FAM91A1: variants seen among roughly 807,000 people sequenced by gnomAD.
The protein encoded by FAM91A1 is protein FAM91A1.
FAM91A1 carries 41 observed loss-of-function variants against 113.5 expected under a neutral mutation model. The ratio of observed to expected loss-of-function variants is 0.36; its 90% CI spans 0.28 to 0.47. The LOEUF is 0.47. Among genes scored for constraint, FAM91A1 ranks in the 20% least tolerant of loss-of-function variants. The pLI is 1.00. For synonymous variants in FAM91A1, 307 were observed against 347.9 expected (o/e 0.88, Z 1.31); for missense variants, 696 against 1,001.2 (o/e 0.70, Z 4.11).
rs1200894815 is a variant in FAM91A1 at position 123,774,106 on chromosome 8, T to C, written c.99T>C (p.Tyr33=). ...GTCTTGGAAATTCACAGAGAGAATATGAAAAGCAGGTTGTCCTGTACAGTA... is the reference window on the plus strand; with the variant it reads ...GTCTTGGAAATTCACAGAGAGAATACGAAAAGCAGGTTGTCCTGTACAGTA... ...RQSLGNSQRE[Y]EKQVVLYSIR... The change falls in exon 2 of 24, where the codon TAT becomes TAC. Residue 33 remains tyrosine, a synonymous_variant. Transcript: ENST00000334705. 1 of 1,607,480 alleles carries C rather than the reference T, an allele frequency of 6.2e-7. No homozygotes were observed. Among genetic ancestry groups the C allele is most frequent in the East Asian group, 2.2e-5 (1 of 44,498 alleles).
chr8:123,774,129 G>A lies in FAM91A1; in HGVS notation c.122G>A (p.Ser41Asn), dbSNP rs1257924155. The A allele has an allele frequency of 6.2e-7, 1 of 1,608,600 alleles. No homozygotes were observed. The highest frequency in any genetic ancestry group is 2.2e-5 in the East Asian group (1 of 44,596). Residue 41 changes from serine (S) to asparagine (N), a missense_variant, in exon 2 of 24, where the codon AGT becomes AAT. Coordinates refer to ENST00000334705, the MANE Select transcript of FAM91A1 (RefSeq NM_144963.4). The part of the protein sequence containing the change: ...REYEKQVVLY[S>N]IRNQLRYRNN... ...TATGAAAAGCAGGTTGTCCTGTACA[G>A]TATCCGCAATCAGTTACGATATAGA... is the stretch of plus-strand genomic sequence containing the variant.
intron 22 of FAM91A1, 105 bp downstream of exon 22, chr8:123,809,121 C>G: frequency 6.8e-7 from 1 of 1,466,892 alleles, no homozygotes. Context: ...AGTAATTGTT[C>G]TGTATATATT....
intron 2 of FAM91A1, among the ~76,000 whole-genome samples, chr8:123,774,481 A>G (rs1814931424): frequency 6.6e-6 from 1 of 152,126 alleles, no homozygotes; most frequent in African/African-American, 2.4e-5. Context: ...AGTTCTTAGT[A>G]ATTTTTGACT....
intron 16 of FAM91A1, 142 bp downstream of exon 16, chr8:123,798,380 T>C: frequency 2.2e-6 from 2 of 918,694 alleles, no homozygotes; most frequent in East Asian, 2.7e-5. Context: ...TAAGATGATA[T>C]GTTCAATTTG....
chr8:123,795,230 C>T (rs1242827204), intron 15 of FAM91A1, among the ~76,000 whole-genome samples: 3 of 152,008 alleles, frequency 2.0e-5, no homozygotes, highest in Non-Finnish European at 2.9e-5. Context: ...TTCTGTTGAC[C>T]GAGAGGCAGC....
At chr8:123,788,847 C>T (rs1156615180) in intron 14 of FAM91A1, among the ~76,000 whole-genome samples, 1 of 152,096 alleles carries the variant, frequency 6.6e-6, no homozygotes, top group Non-Finnish European at 1.5e-5. Flanking sequence ...GCCTTTCAGT[C>T]TGAGGCTTAG....
chr8:123,775,429 G>A, intron 3 of FAM91A1, 131 bp downstream of exon 3: 1 of 1,123,810 alleles, frequency 8.9e-7, no homozygotes, highest in East Asian at 2.5e-5. Context: ...AGTGTAAAAA[G>A]GACTATTGGT....
In FAM91A1 at chr8:123,779,999, T is replaced by C; in HGVS notation, c.564T>C (p.Pro188=). 6.2e-7 allele frequency: 1 copy of C among 1,612,968 alleles called. No homozygotes were observed. The highest frequency in any genetic ancestry group is 8.5e-7 in the Non-Finnish European group (1 of 1,179,262). Residue 188 remains proline (P), a synonymous_variant, in exon 7 of 24, where the codon CCT becomes CCC. Coordinates refer to ENST00000334705, the MANE Select transcript of FAM91A1 (RefSeq NM_144963.4). ...GCTTTTCTTAGATATGCACTTTGCCTGAGAAATGCGCTGTTGATAAGATCA... is the reference window on the plus strand; with the variant it reads ...GCTTTTCTTAGATATGCACTTTGCCCGAGAAATGCGCTGTTGATAAGATCA... ...TEDDIKICTL[P]EKCAVDKIID... is the part of the protein sequence containing the mutation.
intron 15 of FAM91A1, among the ~76,000 whole-genome samples, chr8:123,796,021 C>T (rs1586386908): frequency 6.6e-6 from 1 of 152,300 alleles, no homozygotes; most frequent in African/African-American, 2.4e-5. Context: ...AGTACCTTGC[C>T]AGTAAGGGAC....
At chr8:123,807,618 G>A (rs1815845376) in intron 20 of FAM91A1, among the ~76,000 whole-genome samples, 1 of 152,108 alleles carries the variant, frequency 6.6e-6, no homozygotes, top group Admixed American at 6.6e-5. Flanking sequence ...CGCTAACACA[G>A]CACAGAGAAG....
chr8:123,784,696 T>C (rs749629049), intron 9 of FAM91A1, 120 bp downstream of exon 9: 36 of 561,520 alleles, frequency 6.4e-5, no homozygotes, highest in Non-Finnish European at 9.8e-5. Flanking sequence ...GATCATACCA[T>C]TATTACACTT....
rs1816024035 is a variant in FAM91A1 at position 123,814,395 on chromosome 8, G to A, written c.*1691G>A. The A allele has an allele frequency of 5.0e-6, 1 of 199,296 alleles. No individual in the cohort carries two copies. The allele number at this position is 199,296 out of a possible 1,614,324, so 12.3% of individuals were successfully genotyped here. On this transcript the variant is annotated 3_prime_UTR_variant, in exon 24 of 24. Transcript: ENST00000334705. ...AATCTCATTTTAATTTCCTTTGTTTGAACTGTAGTTATTTTATTTATTCCT... is the reference window on the plus strand; with the variant it reads ...AATCTCATTTTAATTTCCTTTGTTTAAACTGTAGTTATTTTATTTATTCCT...
chr8:123,792,179 G>GA (rs199892552), intron 15 of FAM91A1, among the ~76,000 whole-genome samples: 2,774 of 151,790 alleles, frequency 0.018, 40 homozygotes, highest in Non-Finnish European at 0.028. Context: ...CGTCTCAGAA[G>GA]AAAAAAAAGA....
chr8:123,811,702 C>T (rs1053823615), intron 23 of FAM91A1, among the ~76,000 whole-genome samples: 1 of 151,780 alleles, frequency 6.6e-6, no homozygotes, highest in Non-Finnish European at 1.5e-5. Flanking sequence ...CAATGATGGG[C>T]ATACTGAGTA....
chr8:123,797,227 C>T (rs1402183673), intron 15 of FAM91A1, among the ~76,000 whole-genome samples: 1 of 152,112 alleles, frequency 6.6e-6, no homozygotes, highest in African/African-American at 2.4e-5. Flanking sequence ...TGGCAGGATT[C>T]TGATTATTCA....
Position 123,798,145 on chromosome 8 carries a change from T to C in FAM91A1, c.1467T>C (p.Thr489=). ...CESLLGLDPA[T]CSRVLNKNYT... is the part of the protein sequence containing the mutation. ...GCCTTCTTGGTTTGGACCCTGCAAC[T>C]TGCAGCAGAGTTCTAAACAAAAATT... Residue 489 remains threonine, a synonymous_variant, in exon 16 of 24, where the codon ACT becomes ACC. Coordinates refer to ENST00000334705, the MANE Select transcript of FAM91A1 (RefSeq NM_144963.4). 1.2e-6 allele frequency: 2 copies of C among 1,614,180 alleles called. No homozygotes were observed. The highest frequency in any genetic ancestry group is 1.7e-6 in the Non-Finnish European group (2 of 1,180,026).
chr8:123,815,446 A>T lies in FAM91A1; in HGVS notation c.*2742A>T, dbSNP rs144296364. ...AAACTGTGGTATTGATCAAGTTACT[A>T]TGAAAATGTGTTTAATTTTCTGAAA... On this transcript the variant is annotated 3_prime_UTR_variant, in exon 24 of 24. Coordinates refer to ENST00000334705, the MANE Select transcript of FAM91A1 (RefSeq NM_144963.4). 3.6e-3 allele frequency: 542 copies of T among 152,508 alleles called. 2 individuals carry two copies. The highest frequency in any genetic ancestry group is 0.012 in the African/African-American group (495 of 41,510). 9.4% of individuals were successfully genotyped at this position (152,508 alleles called of 1,614,324 possible). A position where few individuals can be genotyped will look rare whatever the true frequency, so the allele number is the denominator to read the frequency against.
At chr8:123,811,204 A>G (rs1482732893) in intron 23 of FAM91A1, 1 of 152,280 alleles carries the variant, frequency 6.6e-6, no homozygotes, top group African/African-American at 2.4e-5. Flanking sequence ...CCAGTGTGGC[A>G]GAAACTTCAT....
chr8:123,772,684 A>T (rs1814883147), intron 1 of FAM91A1, among the ~76,000 whole-genome samples: 1 of 152,114 alleles, frequency 6.6e-6, no homozygotes, highest in Non-Finnish European at 1.5e-5. Flanking sequence ...ATAACTTTTG[A>T]CTTCCCCAGA....
Sources: gnomAD v4.1 joint callset for allele counts (sites outside exome capture counted in the v4.1 genomes callset) on GRCh38, gnomAD v4.1.1 for gene constraint, MANE v1.5 for transcripts, NCBI Gene and HGNC (gene_info 2026-07-23, HGNC 2026-07-21) for gene names.